MAP3K7CL: variants seen among roughly 807,000 people sequenced by gnomAD.
MAP3K7CL encodes MAP3K7 C-terminal-like protein.
A neutral mutation model predicts 18.6 loss-of-function variants in MAP3K7CL; 16 were observed. The observed-to-expected ratio is 0.86, with a 90% CI of 0.58 to 1.31. MAP3K7CL has a LOEUF of 1.31. Ranked by LOEUF, MAP3K7CL falls within the 50% of genes most tolerant of loss-of-function variation. The pLI, the probability that MAP3K7CL is intolerant of heterozygous loss-of-function variation, is 0.00. For missense variants in MAP3K7CL, 163 were observed against 174.4 expected (o/e 0.93, Z 0.37); for synonymous variants, 65 against 66.8 (o/e 0.97, Z 0.13).
At chr21:29,168,581 G>A (rs1352426017) in intron 4 of MAP3K7CL, among the ~76,000 whole-genome samples, 2 of 152,108 alleles carry the variant, frequency 1.3e-5, no homozygotes, top group African/African-American at 4.8e-5. Flanking sequence ...AATGATTTGG[G>A]TATTTTACAC....
intron 4 of MAP3K7CL, 67 bp from the exon 5 acceptor site, chr21:29,174,645 A>G: frequency 6.4e-7 from 1 of 1,550,988 alleles, no homozygotes. Context: ...TCATGCTATT[A>G]CTGAATAATT....
intron 3 of MAP3K7CL, among the ~76,000 whole-genome samples, chr21:29,150,649 T>G (rs1315294952): frequency 6.6e-6 from 1 of 152,040 alleles, no homozygotes; most frequent in Non-Finnish European, 1.5e-5. Context: ...CCATGCAGGG[T>G]TCTCAACCCA....
intron 4 of MAP3K7CL, among the ~76,000 whole-genome samples, chr21:29,173,574 G>A (rs574648457): frequency 6.6e-6 from 1 of 152,270 alleles, no homozygotes; most frequent in South Asian, 2.1e-4. Flanking sequence ...GAAATGTAAG[G>A]CAAAGGAGAA....
chr21:29,124,907 A>G (rs1259613013), intron 4 of MAP3K7CL, among the ~76,000 whole-genome samples: 1 of 152,196 alleles, frequency 6.6e-6, no homozygotes, highest in Non-Finnish European at 1.5e-5. Context: ...ATTGTAACAG[A>G]AAGTGTATGG....
At chr21:29,096,536 C>T (rs1162420910) in intron 4 of MAP3K7CL, among the ~76,000 whole-genome samples, 3 of 152,112 alleles carry the variant, frequency 2.0e-5, no homozygotes, top group Non-Finnish European at 4.4e-5. Context: ...TGGCTCCAGG[C>T]AGAGGGATGA....
At chr21:29,135,986 C>T (rs959572788) in intron 2 of MAP3K7CL, among the ~76,000 whole-genome samples, 1 of 152,152 alleles carries the variant, frequency 6.6e-6, no homozygotes, top group Non-Finnish European at 1.5e-5. Context: ...GTTTCTCAAC[C>T]TTGCCTGATT....
At chr21:29,158,342 C>T (rs952531740) in intron 3 of MAP3K7CL, among the ~76,000 whole-genome samples, 16 of 152,150 alleles carry the variant, frequency 1.1e-4, no homozygotes, top group Non-Finnish European at 2.1e-4. Context: ...AATTGAATCC[C>T]GTATAGAAAG....
intron 3 of MAP3K7CL, among the ~76,000 whole-genome samples, chr21:29,151,988 A>AT (rs200748163): frequency 2.0e-5 from 3 of 151,594 alleles, no homozygotes; most frequent in Non-Finnish European, 4.4e-5. Context: ...CATGGTTTTG[A>AT]TTTTTTTTTC....
At chr21:29,166,808 G>A (rs1375824388) in intron 4 of MAP3K7CL, among the ~76,000 whole-genome samples, 5 of 152,114 alleles carry the variant, frequency 3.3e-5, no homozygotes, top group Non-Finnish European at 7.4e-5. Flanking sequence ...ATAGGCTAAT[G>A]GACATTTAAT....
At chr21:29,109,180 G>A (rs1034529358) in intron 4 of MAP3K7CL, 2 of 1,535,304 alleles carry the variant, frequency 1.3e-6, no homozygotes, top group African/African-American at 2.7e-5. Context: ...AGTGCGGACT[G>A]CAGGTATGGA....
At chr21:29,139,585 C>T (rs1390653516) in intron 2 of MAP3K7CL, among the ~76,000 whole-genome samples, 1 of 152,024 alleles carries the variant, frequency 6.6e-6, no homozygotes, top group Non-Finnish European at 1.5e-5. Flanking sequence ...CCATTTTCCC[C>T]TCTCTTCTTT....
chr21:29,098,504 T>C (rs964393411), intron 4 of MAP3K7CL, among the ~76,000 whole-genome samples: 1 of 152,226 alleles, frequency 6.6e-6, no homozygotes, highest in Non-Finnish European at 1.5e-5. Flanking sequence ...AAAAAAGGAA[T>C]GTGAAAGAAG....
chr21:29,166,961 A>C (rs918774548), intron 4 of MAP3K7CL, among the ~76,000 whole-genome samples: 3 of 152,226 alleles, frequency 2.0e-5, no homozygotes, highest in Admixed American at 6.5e-5. Context: ...CTCAATGTGT[A>C]ACCTTTTGAG....
chr21:29,161,494 T>C (rs1484651882), intron 4 of MAP3K7CL, among the ~76,000 whole-genome samples: 2 of 152,146 alleles, frequency 1.3e-5, no homozygotes, highest in Non-Finnish European at 2.9e-5. Flanking sequence ...TTATATCTTA[T>C]ATTTATAAAT....
chr21:29,099,927 C>CA (rs753635948), intron 4 of MAP3K7CL, among the ~76,000 whole-genome samples: 1 of 151,802 alleles, frequency 6.6e-6, no homozygotes, highest in Non-Finnish European at 1.5e-5. Context: ...ACTAAAAATA[C>CA]AAAAAATTAG....
chr21:29,110,695 G>A (rs2086403845), intron 4 of MAP3K7CL, among the ~76,000 whole-genome samples: 2 of 152,040 alleles, frequency 1.3e-5, no homozygotes, highest in Admixed American at 6.6e-5. Flanking sequence ...ACCACACTCG[G>A]CCATCTCTGT....
At chr21:29,150,582 C>T (rs886741957) in intron 3 of MAP3K7CL, among the ~76,000 whole-genome samples, 2 of 152,206 alleles carry the variant, frequency 1.3e-5, no homozygotes, top group South Asian at 4.1e-4. Context: ...GCTCTGTCGT[C>T]CCCTAAAATT....
At chr21:29,121,461 G>T (rs1408030658) in intron 4 of MAP3K7CL, among the ~76,000 whole-genome samples, 3 of 152,126 alleles carry the variant, frequency 2.0e-5, no homozygotes, top group African/African-American at 7.2e-5. Context: ...TGGTATTCAA[G>T]CTAATGTTAA....
intron 2 of MAP3K7CL, among the ~76,000 whole-genome samples, chr21:29,146,305 T>C (rs1204577600): frequency 6.6e-6 from 1 of 152,228 alleles, no homozygotes; most frequent in African/African-American, 2.4e-5. Flanking sequence ...ATTCTGGCCT[T>C]GGACCCAATG....
Sources: allele counts gnomAD v4.1 joint callset (sites outside exome capture counted in the v4.1 genomes callset), GRCh38; gene constraint gnomAD v4.1.1; transcripts MANE v1.5; gene names NCBI Gene and HGNC (gene_info 2026-07-23, HGNC 2026-07-21).